Variants in NELL2 observed in about 807,000 individuals in gnomAD.
NELL2 encodes neural EGFL like 2.
NELL2 carries 41 observed loss-of-function variants against 109.6 expected under a neutral mutation model. The ratio of observed to expected loss-of-function variants is 0.37; its 90% CI spans 0.29 to 0.49. The LOEUF (loss-of-function observed/expected upper bound fraction) is 0.49. Among genes scored for constraint, NELL2 ranks in the 20% least tolerant of loss-of-function variants. The pLI, the probability that NELL2 is intolerant of heterozygous loss-of-function variation, is 0.98. For synonymous variants in NELL2, 355 were observed against 344.7 expected (o/e 1.03, Z -0.33); for missense variants, 900 against 1,008.3 (o/e 0.89, Z 1.45).
At chr12:44,881,064 T>A (rs1356557779), upstream of NELL2, 1 of 151,978 alleles carries the variant, frequency 6.6e-6, no homozygotes, top group Non-Finnish European at 1.5e-5. Flanking sequence ...TACTACAAAG[T>A]CTTAAAACCA....
intron 1 of NELL2, among the ~76,000 whole-genome samples, chr12:44,895,852 G>T (rs1945587332): frequency 6.6e-6 from 1 of 152,040 alleles, no homozygotes; most frequent in Non-Finnish European, 1.5e-5. Flanking sequence ...AATAAAGATG[G>T]AGTGCATAAC....
intron 19 of NELL2, among the ~76,000 whole-genome samples, chr12:44,512,515 A>G (rs1448419035): frequency 6.6e-6 from 1 of 152,138 alleles, no homozygotes; most frequent in Non-Finnish European, 1.5e-5. Flanking sequence ...TATATTGAAG[A>G]TATATCTGAA....
At chr12:44,835,725 G>A (rs144081326) in intron 2 of NELL2, among the ~76,000 whole-genome samples, 2 of 152,306 alleles carry the variant, frequency 1.3e-5, no homozygotes, top group African/African-American at 4.8e-5. Flanking sequence ...AGTACATCCT[G>A]GTTTCACTAA....
chr12:44,614,689 C>T (rs2136259227), intron 13 of NELL2, among the ~76,000 whole-genome samples: 1 of 152,120 alleles, frequency 6.6e-6, no homozygotes, highest in African/African-American at 2.4e-5. Context: ...ATTCCATATC[C>T]AACAGTGTCA....
intron 15 of NELL2, among the ~76,000 whole-genome samples, chr12:44,551,115 T>C (rs1943030536): frequency 6.6e-6 from 1 of 152,172 alleles, no homozygotes; most frequent in South Asian, 2.1e-4. Context: ...TTCACAAGTA[T>C]ATATGTATCC....
chr12:44,816,474 C>G (rs1943355298), intron 2 of NELL2, among the ~76,000 whole-genome samples: 1 of 152,140 alleles, frequency 6.6e-6, no homozygotes, highest in Non-Finnish European at 1.5e-5. Flanking sequence ...ACAGCAACAT[C>G]AGTGTCAACA....
chr12:44,587,686 T>C (rs1339483039), intron 15 of NELL2, among the ~76,000 whole-genome samples: 2 of 152,160 alleles, frequency 1.3e-5, no homozygotes, highest in African/African-American at 4.8e-5. Flanking sequence ...ACGTTTATTT[T>C]AAAACTCCAG....
Position 44,779,872 on chromosome 12 carries a change from C to A in NELL2, c.486G>T (p.Leu162Phe). The change falls in exon 4 of 20, where the codon TTG (leucine) becomes TTT (phenylalanine). Residue 162 changes from leucine to phenylalanine, a missense_variant. This residue lies in a region of NELL2 where 200 missense variants were observed against 191.8 expected (regional missense o/e 1.04). Coordinates refer to ENST00000429094, the MANE Select transcript of NELL2 (RefSeq NM_001145108.2). ...KLSLAISASHLILHIDCNKIY... is the reference protein window; with the variant it reads ...KLSLAISASHFILHIDCNKIY... ...ACTTATTGCAGTCAATGTGTAAAAT[C>A]AAATGGGAAGCACTGATGGCTAAGG... 1 of 1,613,838 alleles carries A rather than the reference C, an allele frequency of 6.2e-7. No homozygotes were observed. The highest frequency in any genetic ancestry group is 1.1e-5 in the South Asian group (1 of 91,050).
chr12:44,823,569 A>C (rs1448467472), intron 2 of NELL2, among the ~76,000 whole-genome samples: 1 of 152,108 alleles, frequency 6.6e-6, no homozygotes, highest in Non-Finnish European at 1.5e-5. Flanking sequence ...GATATGATTT[A>C]TTTCTTTTTG....
rs1359412927 is a variant in NELL2, at chr12:44,711,385, T to C, written c.1096A>G (p.Met366Val). The change falls in exon 11 of 20, where the codon ATG becomes GTG. Residue 366 changes from methionine to valine, a missense_variant. Met to Val is a conservative substitution (Grantham distance 21). Coordinates refer to ENST00000429094, the MANE Select transcript of NELL2 (RefSeq NM_001145108.2). Reference protein sequence around the residue: ...CVLYECKDQTMKLVESSGCPA... With the variant: ...CVLYECKDQTVKLVESSGCPA... ...CAGCCTGAACTCTCAACAAGTTTCA[T>C]GGTCTGGTCCTGTTAGACAACAGAA... 7.4e-6 allele frequency: 12 copies of C among 1,611,954 alleles called. No individual in the cohort carries two copies. The highest frequency in any genetic ancestry group is 1.1e-5 in the South Asian group (1 of 91,072).
chr12:44,695,212 G>T (rs1023651971), intron 12 of NELL2, among the ~76,000 whole-genome samples: 1 of 151,126 alleles, frequency 6.6e-6, no homozygotes, highest in Non-Finnish European at 1.5e-5. Context: ...TGGAGCAAAG[G>T]AGGTTGGTTA....
intron 9 of NELL2, among the ~76,000 whole-genome samples, chr12:44,750,175 C>T (rs182209074): frequency 1.0e-3 from 156 of 152,194 alleles, no homozygotes; most frequent in Non-Finnish European, 2.0e-3. Flanking sequence ...TTTCCTTTTA[C>T]ATTCTTCAAA....
intron 11 of NELL2, among the ~76,000 whole-genome samples, chr12:44,710,557 C>T (rs1938141330): frequency 6.6e-6 from 1 of 152,044 alleles, no homozygotes; most frequent in South Asian, 2.1e-4. Flanking sequence ...TTAAAGAGTT[C>T]CATATAATCA....
upstream of NELL2, among the ~76,000 whole-genome samples, chr12:44,916,717 T>C (rs181600212): frequency 1.6e-3 from 241 of 152,222 alleles, 1 homozygote; most frequent in Non-Finnish European, 3.0e-3. Context: ...TTGAGCCCCT[T>C]CAAGGCAAAC....
chr12:44,875,199 G>C (rs1487807900), intron 2 of NELL2, 26 bp downstream of exon 2: 1 of 1,600,830 alleles, frequency 6.2e-7, no homozygotes, highest in South Asian at 1.1e-5. Context: ...TGAAATCACA[G>C]TGGGGATGCA....
At chr12:44,684,714 G>A (rs1257894750) in intron 12 of NELL2, among the ~76,000 whole-genome samples, 2 of 152,172 alleles carry the variant, frequency 1.3e-5, no homozygotes, top group African/African-American at 4.8e-5. Flanking sequence ...CAGTTTCCAT[G>A]TAGTTGAGTG....
intron 3 of NELL2, among the ~76,000 whole-genome samples, chr12:44,812,298 C>T (rs1943205177): frequency 6.6e-6 from 1 of 152,064 alleles, no homozygotes; most frequent in Non-Finnish European, 1.5e-5. Flanking sequence ...GACCTTCATA[C>T]CTAGATGTAT....
intron 9 of NELL2, among the ~76,000 whole-genome samples, chr12:44,737,850 C>T (rs967040237): frequency 1.3e-5 from 2 of 151,316 alleles, no homozygotes; most frequent in Non-Finnish European, 2.9e-5. Context: ...CTAATTAAAA[C>T]CCAGATAAAA....
chr12:44,847,635 T>A (rs1944410188), intron 2 of NELL2, among the ~76,000 whole-genome samples: 1 of 150,966 alleles, frequency 6.6e-6, no homozygotes, highest in Non-Finnish European at 1.5e-5. Context: ...AAGCGAGAAG[T>A]TAAAAAAAAA....
Sources: allele counts gnomAD v4.1 joint callset (sites outside exome capture counted in the v4.1 genomes callset), GRCh38; gene constraint gnomAD v4.1.1; regional missense constraint gnomAD v4.1.1; transcripts MANE v1.5; gene names NCBI Gene and HGNC (gene_info 2026-07-23, HGNC 2026-07-21).